RTN1: variants seen among roughly 807,000 people sequenced by gnomAD.
RTN1 encodes the protein reticulon 1, also known as reticulon-1.
Under a neutral mutation model 65.5 loss-of-function variants are expected in RTN1, and 25 were observed. That is an observed-to-expected ratio of 0.38 (90% CI 0.28 to 0.53). The LOEUF (loss-of-function observed/expected upper bound fraction) is 0.53, where lower values mean the gene tolerates loss of function less well. Ranked by LOEUF, RTN1 falls within the 20% of genes least tolerant of loss-of-function variation. RTN1 has a pLI of 0.79. For synonymous variants in RTN1, 471 were observed against 447.6 expected (o/e 1.05, Z -0.66); for missense variants, 983 against 1,025.4 (o/e 0.96, Z 0.57).
intron 1 of RTN1, among the ~76,000 whole-genome samples, chr14:59,859,112 C>G (rs1447835348): frequency 1.3e-5 from 2 of 152,276 alleles, no homozygotes; most frequent in East Asian, 1.9e-4. Context: ...GTGATGCACA[C>G]AGTTTCCAGT....
At chr14:59,627,010 T>C (rs1412287636) in intron 3 of RTN1, among the ~76,000 whole-genome samples, 2 of 152,190 alleles carry the variant, frequency 1.3e-5, no homozygotes, top group Non-Finnish European at 2.9e-5. Flanking sequence ...GTTAGTAAGA[T>C]AGGCAGTGAG....
At chr14:59,636,588 A>G (rs893986155) in intron 3 of RTN1, among the ~76,000 whole-genome samples, 2 of 152,326 alleles carry the variant, frequency 1.3e-5, no homozygotes, top group African/African-American at 4.8e-5. Flanking sequence ...TTAATAGAGT[A>G]TTATATAGTG....
chr14:59,797,543 C>T lies in RTN1; in HGVS notation c.242-51062G>A, dbSNP rs1455369392. On this transcript the variant is annotated intron_variant, in intron 1 of 8. Transcript: ENST00000267484. ...AACCTACTATTTAGTAAAAAGAATA[C>T]TCCAGGGATGCTTCTCAGCATAGTC... 2.6e-5 allele frequency among the ~76,000 whole-genome samples: 4 copies of T among 152,162 alleles called. No individual in the cohort carries two copies. In the East Asian group the frequency reaches 5.8e-4, roughly 22 times the overall value.
intron 3 of RTN1, among the ~76,000 whole-genome samples, chr14:59,701,344 A>G (rs1158404319): frequency 6.6e-6 from 1 of 152,220 alleles, no homozygotes; most frequent in African/African-American, 2.4e-5. Flanking sequence ...AACTGAGAGC[A>G]TGTGTCCTCA....
At chr14:59,749,266 CTATA>C (rs796334225) in intron 1 of RTN1, among the ~76,000 whole-genome samples, 8 of 19,830 alleles carry the variant, frequency 4.0e-4, no homozygotes, top group South Asian at 1.5e-3. Context: ...CTATATATAT[CTATA>C]TATATATCTA....
At chr14:59,640,989 C>G (rs754491109) in intron 3 of RTN1, among the ~76,000 whole-genome samples, 1 of 152,160 alleles carries the variant, frequency 6.6e-6, no homozygotes, top group African/African-American at 2.4e-5. Context: ...GAGACAGGGT[C>G]TTGCCCTGTT....
intron 1 of RTN1, among the ~76,000 whole-genome samples, chr14:59,775,841 A>G (rs1432213760): frequency 6.6e-6 from 1 of 152,216 alleles, no homozygotes; most frequent in Non-Finnish European, 1.5e-5. Context: ...CATACAGCAG[A>G]AAGTTGTCTC....
chr14:59,757,398 C>A (rs77187186), intron 1 of RTN1, among the ~76,000 whole-genome samples: 1 of 152,100 alleles, frequency 6.6e-6, no homozygotes, highest in Admixed American at 6.5e-5. Flanking sequence ...TAATGGGAAA[C>A]CCCTTTTGCT....
At chr14:59,773,945 T>A (rs1886005465) in intron 1 of RTN1, among the ~76,000 whole-genome samples, 1 of 152,206 alleles carries the variant, frequency 6.6e-6, no homozygotes, top group Admixed American at 6.5e-5. Context: ...TTAGATTATC[T>A]GGACATTTCA....
At chr14:59,738,733 G>A (rs190110666) in intron 2 of RTN1, among the ~76,000 whole-genome samples, 8 of 152,224 alleles carry the variant, frequency 5.3e-5, no homozygotes, top group South Asian at 2.1e-4. Context: ...TTACAATAGC[G>A]AAGACATGGA....
intron 4 of RTN1, among the ~76,000 whole-genome samples, chr14:59,606,498 G>A (rs774306256): frequency 6.6e-6 from 1 of 152,008 alleles, no homozygotes; most frequent in East Asian, 1.9e-4. Flanking sequence ...TGTTCACTCC[G>A]TCCCACAGTG....
intron 1 of RTN1, among the ~76,000 whole-genome samples, chr14:59,823,346 C>A (rs968996140): frequency 1.3e-5 from 2 of 151,916 alleles, no homozygotes; most frequent in African/African-American, 4.8e-5. Flanking sequence ...CCTGCTCTTT[C>A]TCGTTTCCCT....
intron 3 of RTN1, chr14:59,630,354 G>GGTCCC: frequency 6.5e-7 from 1 of 1,531,164 alleles, no homozygotes; most frequent in Non-Finnish European, 9.0e-7. Flanking sequence ...AGCATGCACA[G>GGTCCC]GTCCCACAGG....
At position 59,749,238 on chromosome 14, in the gene RTN1, C is replaced by CTATATATATATCTA. The variant is rs1275499079; in HGVS notation, c.242-2758_242-2757insTAGATATATATATA. 3.8e-4 allele frequency among the ~76,000 whole-genome samples: 20 copies of CTATATATATATCTA among 53,228 alleles called. 2 individuals are homozygous for CTATATATATATCTA. Among genetic ancestry groups the CTATATATATATCTA allele is most frequent in the African/African-American group, 2.9e-3 (19 of 6,456 alleles). The allele number at this position is 53,228 out of a possible 152,430, so 34.9% of individuals were successfully genotyped here. A position where few individuals can be genotyped will look rare whatever the true frequency, so the allele number is the denominator to read the frequency against. Reference sequence around the variant, plus strand: ...TATATATCTATATATCTATATATATCTATATATATCTATATATCTATATAT... The same window carrying CTATATATATATCTA: ...TATATATCTATATATCTATATATATCTATATATATATCTATATATATATCTATATATCTATATAT... On this transcript the variant is annotated intron_variant, in intron 1 of 8. Transcript: ENST00000267484.
intron 1 of RTN1, among the ~76,000 whole-genome samples, chr14:59,802,102 T>A (rs1886557499): frequency 6.6e-6 from 1 of 152,252 alleles, no homozygotes; most frequent in Non-Finnish European, 1.5e-5. Flanking sequence ...CTGGTAGAGT[T>A]ACTAATGTTA....
intron 1 of RTN1, among the ~76,000 whole-genome samples, chr14:59,786,188 T>C (rs1886246748): frequency 6.6e-6 from 1 of 152,144 alleles, no homozygotes; most frequent in Non-Finnish European, 1.5e-5. Context: ...ACCAAGGTGG[T>C]CCAGCTGCAA....
chr14:59,642,485 A>G (rs976417558), intron 3 of RTN1, among the ~76,000 whole-genome samples: 4 of 151,988 alleles, frequency 2.6e-5, no homozygotes, highest in Non-Finnish European at 4.4e-5. Context: ...CAAGTTTTTT[A>G]TACTCTACTC....
chr14:59,858,474 T>G (rs969653331), intron 1 of RTN1, among the ~76,000 whole-genome samples: 8 of 147,004 alleles, frequency 5.4e-5, no homozygotes, highest in Non-Finnish European at 9.0e-5. Flanking sequence ...CAAGAGTAGT[T>G]TTTTTTTTTT....
At chr14:59,821,861 G>A (rs140726802) in intron 1 of RTN1, among the ~76,000 whole-genome samples, 48 of 152,286 alleles carry the variant, frequency 3.2e-4, no homozygotes, top group African/African-American at 9.6e-4. Context: ...CAGGAATAAA[G>A]CCTACTTCAT....
Sources: gnomAD v4.1 joint callset for allele counts (sites outside exome capture counted in the v4.1 genomes callset) on GRCh38, gnomAD v4.1.1 for gene constraint, MANE v1.5 for transcripts, NCBI Gene and HGNC (gene_info 2026-07-23, HGNC 2026-07-21) for gene names.